BACH2: variants seen among roughly 807,000 people sequenced by gnomAD.
BACH2 encodes the protein BACH transcriptional regulator 2.
Under a neutral mutation model 61.8 loss-of-function variants are expected in BACH2, and 5 were observed. That is an observed-to-expected ratio of 0.08 (90% CI 0.04 to 0.17). BACH2 has a LOEUF of 0.17. Ranked by LOEUF, BACH2 falls within the 10% of genes least tolerant of loss-of-function variation. BACH2 has a pLI of 1.00. For synonymous variants in BACH2, 446 were observed against 440.1 expected (o/e 1.01, Z -0.17); for missense variants, 824 against 1,091.1 (o/e 0.76, Z 3.45).
chr6:90,083,787 T>A (rs1781816968), intron 5 of BACH2, among the ~76,000 whole-genome samples: 1 of 152,184 alleles, frequency 6.6e-6, no homozygotes, highest in African/African-American at 2.4e-5. Context: ...TTTTAGATTA[T>A]TATTAAAGCA....
chr6:89,932,573 G>A lies in BACH2; in HGVS notation c.2361C>T (p.Ser787=), dbSNP rs78688236. 4,229 of 1,614,128 alleles carry A rather than the reference G, an allele frequency of 2.6e-3. 99 individuals are homozygous for A. In the African/African-American group the frequency reaches 0.05, roughly 19 times the overall value. ...GTCTCCTCCCAGAGGTACAATTCTC[G>A]GAGGTGTTGCTGGGTGCCCAGGGGG... ...PGPPWAPSNT[S]ENCTSGRRLE... is the part of the protein sequence containing the mutation. The change falls in exon 9 of 9, where the codon TCC becomes TCT. Residue 787 remains serine, a synonymous_variant. Transcript: ENST00000257749.
intron 4 of BACH2, among the ~76,000 whole-genome samples, chr6:90,195,011 C>G (rs148026530): frequency 2.0e-5 from 3 of 152,170 alleles, no homozygotes; most frequent in East Asian, 3.8e-4. Context: ...ATATAAACTA[C>G]ACAATGAAAT....
At chr6:90,261,147 T>C (rs1241456539) in intron 2 of BACH2, among the ~76,000 whole-genome samples, 1 of 152,166 alleles carries the variant, frequency 6.6e-6, no homozygotes, top group Non-Finnish European at 1.5e-5. Flanking sequence ...AGACCTACAA[T>C]CCCTTATCCA....
At chr6:90,163,210 T>C (rs1027680888) in intron 4 of BACH2, among the ~76,000 whole-genome samples, 1 of 152,112 alleles carries the variant, frequency 6.6e-6, no homozygotes, top group Non-Finnish European at 1.5e-5. Context: ...TCAGACATTC[T>C]CCTTCTACAC....
chr6:90,261,661 A>G (rs1771162508), intron 2 of BACH2, among the ~76,000 whole-genome samples: 1 of 152,074 alleles, frequency 6.6e-6, no homozygotes, highest in African/African-American at 2.4e-5. Context: ...CATTCCTTCT[A>G]AAGCTTCTTT....
intron 2 of BACH2, among the ~76,000 whole-genome samples, chr6:90,257,850 A>C (rs1452104582): frequency 2.0e-5 from 3 of 152,094 alleles, no homozygotes; most frequent in Admixed American, 2.0e-4. Flanking sequence ...ATCTCGGCTC[A>C]CTACAATCTC....
At chr6:90,146,960 A>G (rs1483628215) in intron 4 of BACH2, among the ~76,000 whole-genome samples, 2 of 152,210 alleles carry the variant, frequency 1.3e-5, no homozygotes, top group East Asian at 3.9e-4. Context: ...GGATAAGTCA[A>G]AGTGAACATA....
intron 6 of BACH2, among the ~76,000 whole-genome samples, chr6:89,996,317 GCT>G (rs1178238599): frequency 2.6e-5 from 4 of 152,198 alleles, no homozygotes; most frequent in African/African-American, 9.6e-5. Flanking sequence ...TCCTGACTGT[GCT>G]CTCTGTCTGT....
intron 5 of BACH2, among the ~76,000 whole-genome samples, chr6:90,042,822 T>C (rs1779600638): frequency 6.6e-6 from 1 of 152,230 alleles, no homozygotes; most frequent in Non-Finnish European, 1.5e-5. Flanking sequence ...CAGTTCACAA[T>C]AACAATATTT....
At chr6:90,248,283 G>A (rs1314953411) in intron 3 of BACH2, among the ~76,000 whole-genome samples, 2 of 151,766 alleles carry the variant, frequency 1.3e-5, no homozygotes, top group African/African-American at 4.8e-5. Context: ...TCTTAGAATT[G>A]GATATTTATA....
At chr6:90,292,682 G>A (rs1490385413) in intron 1 of BACH2, among the ~76,000 whole-genome samples, 1 of 152,154 alleles carries the variant, frequency 6.6e-6, no homozygotes, top group African/African-American at 2.4e-5. Flanking sequence ...CTATATGCCA[G>A]GCCTTTAGAA....
intron 5 of BACH2, among the ~76,000 whole-genome samples, chr6:90,045,690 C>T (rs900969783): frequency 6.6e-6 from 1 of 152,128 alleles, no homozygotes; most frequent in African/African-American, 2.4e-5. Context: ...TTACCAATAC[C>T]AAAAACTTCT....
intron 6 of BACH2, among the ~76,000 whole-genome samples, chr6:89,993,508 C>T (rs1776687934): frequency 6.6e-6 from 1 of 152,154 alleles, no homozygotes; most frequent in African/African-American, 2.4e-5. Context: ...ATCCATGGAC[C>T]ACCGAGTAGT....
At chr6:90,277,410 C>T (rs1233548443) in intron 1 of BACH2, among the ~76,000 whole-genome samples, 4 of 152,118 alleles carry the variant, frequency 2.6e-5, no homozygotes, top group East Asian at 1.9e-4. Flanking sequence ...TTCTGTATCT[C>T]CATTGATATA....
chr6:90,234,208 A>G lies in BACH2; in HGVS notation c.-275+18305T>C, dbSNP rs140648319. The stretch of plus-strand genomic sequence containing the variant: ...TTCCTCTGTTTTTGATGTAGAGATG[A>G]GCACAGGTAAAAACTAAACACATCA... On this transcript the variant is annotated intron_variant, in intron 3 of 8. Transcript: ENST00000257749. Among the ~76,000 whole-genome samples, 510 of 152,336 alleles carry G rather than the reference A, an allele frequency of 3.3e-3. 4 individuals are homozygous for G. Among genetic ancestry groups the G allele is most frequent in the African/African-American group, 0.011 (465 of 41,562 alleles).
intron 4 of BACH2, among the ~76,000 whole-genome samples, chr6:90,157,410 T>C (rs576422865): frequency 3.3e-5 from 5 of 152,228 alleles, no homozygotes; most frequent in Non-Finnish European, 5.9e-5. Flanking sequence ...ATATTCTGCA[T>C]CAGATTATTT....
In BACH2 at chr6:90,158,220, G is replaced by A. The variant is rs548361957; in HGVS notation, c.-162+48349C>T. ...AGGCAGGAGCCAGTCCATATGAGTTGTATACAACAGAAGATAAGATTAACA... is the reference window on the plus strand; with the variant it reads ...AGGCAGGAGCCAGTCCATATGAGTTATATACAACAGAAGATAAGATTAACA... On this transcript the variant is annotated intron_variant, in intron 4 of 8. Coordinates refer to ENST00000257749, the MANE Select transcript of BACH2 (RefSeq NM_021813.4). Among the ~76,000 whole-genome samples, 3 of 152,202 alleles carry A rather than the reference G, an allele frequency of 2.0e-5. No individual in the cohort carries two copies. The South Asian group carries it at 6.2e-4, about 32-fold the overall frequency.
At chr6:90,231,643 T>C (rs1174196727) in intron 3 of BACH2, among the ~76,000 whole-genome samples, 1 of 152,200 alleles carries the variant, frequency 6.6e-6, no homozygotes, top group East Asian at 1.9e-4. Context: ...TATCCTACTA[T>C]TTCATGTATA....
chr6:90,059,889 A>G (rs1022770418), intron 5 of BACH2, among the ~76,000 whole-genome samples: 50 of 147,862 alleles, frequency 3.4e-4, no homozygotes, highest in African/African-American at 1.2e-3. Context: ...AAAACCAAAC[A>G]CCGCATGTTC....
Sources: allele counts gnomAD v4.1 joint callset (sites outside exome capture counted in the v4.1 genomes callset), GRCh38; gene constraint gnomAD v4.1.1; transcripts MANE v1.5; gene names NCBI Gene and HGNC (gene_info 2026-07-23, HGNC 2026-07-21).